The following ZBTB7C variants were observed in gnomAD, a reference collection of about 807,000 sequenced individuals.
ZBTB7C encodes the protein zinc finger and BTB domain-containing protein 7C.
ZBTB7C carries 8 observed loss-of-function variants against 25.7 expected under a neutral mutation model. The observed-to-expected ratio is 0.31, with a 90% CI of 0.18 to 0.56. ZBTB7C has a LOEUF of 0.56. Ranked by LOEUF, ZBTB7C falls within the 20% of genes least tolerant of loss-of-function variation. ZBTB7C has a pLI of 0.91. For missense variants in ZBTB7C, 824 were observed against 855.2 expected (o/e 0.96, Z 0.46); for synonymous variants, 394 against 369.0 (o/e 1.07, Z -0.78).
At chr18:48,171,447 T>C (rs1180879257) in intron 3 of ZBTB7C, among the ~76,000 whole-genome samples, 1 of 152,194 alleles carries the variant, frequency 6.6e-6, no homozygotes, top group Non-Finnish European at 1.5e-5. Context: ...AGGAAGAATA[T>C]CCCAGGAATC....
intron 2 of ZBTB7C, among the ~76,000 whole-genome samples, chr18:48,228,292 G>C (rs1374032022): frequency 3.9e-5 from 6 of 152,130 alleles, no homozygotes; most frequent in Non-Finnish European, 7.4e-5. Flanking sequence ...GGCAGACTAC[G>C]AGACTGATTG....
chr18:48,231,976 G>A (rs1227967725), intron 2 of ZBTB7C, among the ~76,000 whole-genome samples: 1 of 152,212 alleles, frequency 6.6e-6, no homozygotes, highest in Non-Finnish European at 1.5e-5. Context: ...ATGCTTAGCT[G>A]TGCACAGTGG....
At chr18:48,091,242 T>TC (rs1197893323) in intron 3 of ZBTB7C, among the ~76,000 whole-genome samples, 1 of 137,362 alleles carries the variant, frequency 7.3e-6, no homozygotes, top group African/African-American at 2.7e-5. Flanking sequence ...CGGATAATTT[T>TC]TTTTTTTTTT....
chr18:48,084,151 C>G (rs146709869), intron 3 of ZBTB7C, among the ~76,000 whole-genome samples: 1 of 152,282 alleles, frequency 6.6e-6, no homozygotes, highest in Non-Finnish European at 1.5e-5. Context: ...GGGCACGTCT[C>G]CTAGCCCCGG....
At position 48,040,962 on chromosome 18, in the gene ZBTB7C, C is replaced by T. The variant is rs1039584444; in HGVS notation, c.146G>A (p.Arg49His). The T allele has an allele frequency of 6.2e-7, 1 of 1,614,136 alleles. No homozygotes were observed. The highest frequency in any genetic ancestry group is 8.5e-7 in the Non-Finnish European group (1 of 1,180,038). Residue 49 changes from arginine (R) to histidine (H), a missense_variant, in exon 4 of 5, where the codon CGC becomes CAC. Arg to His is a conservative substitution (Grantham distance 29). Around this residue, in one of 4 missense-constraint regions of ZBTB7C, gnomAD observed 117 missense variants for 167.7 expected, o/e 0.70. Coordinates refer to ENST00000590800, the MANE Select transcript of ZBTB7C (RefSeq NM_001318841.2). Reference protein sequence around the residue: ...VVQEQEYRTHRSVLAACSKYF... With the variant: ...VVQEQEYRTHHSVLAACSKYF... ...CTTGCTGCAGGCAGCCAGGACGGAG[C>T]GGTGGGTCCGATACTCCTGCTCCTG...
At chr18:48,130,062 C>T (rs1179452011) in intron 3 of ZBTB7C, among the ~76,000 whole-genome samples, 1 of 152,164 alleles carries the variant, frequency 6.6e-6, no homozygotes, top group Admixed American at 6.5e-5. Flanking sequence ...GGGAGCAGAG[C>T]TTGCAGACAG....
intron 1 of ZBTB7C, among the ~76,000 whole-genome samples, chr18:48,364,909 G>A (rs1223251326): frequency 6.6e-6 from 1 of 152,082 alleles, no homozygotes; most frequent in Non-Finnish European, 1.5e-5. Context: ...AGAATTACCT[G>A]GCCAGCTTAC....
chr18:48,040,935 T>C lies in ZBTB7C; in HGVS notation c.173A>G (p.Tyr58Cys). Residue 58 changes from tyrosine to cysteine, a missense_variant, in exon 4 of 5, where the codon TAC becomes TGC. Tyr to Cys is a radical substitution (Grantham distance 194). Around this residue, in one of 4 missense-constraint regions of ZBTB7C, gnomAD observed 117 missense variants for 167.7 expected, o/e 0.70. Transcript: ENST00000590800. ...HRSVLAACSK[Y>C]FKKLFTAGTL... ...GCCGGCTGTGAAAAGCTTCTTGAAG[T>C]ACTTGCTGCAGGCAGCCAGGACGGA... 1 of 1,614,164 alleles carries C rather than the reference T, an allele frequency of 6.2e-7. No individual in the cohort carries two copies. Among genetic ancestry groups the C allele is most frequent in the Non-Finnish European group, 8.5e-7 (1 of 1,180,032 alleles).
At chr18:48,047,095 G>A (rs527282456) in intron 3 of ZBTB7C, among the ~76,000 whole-genome samples, 10 of 152,130 alleles carry the variant, frequency 6.6e-5, no homozygotes, top group Non-Finnish European at 8.8e-5. Flanking sequence ...GGTGAGCTGC[G>A]GTCAGGAGGT....
chr18:48,347,422 C>G (rs2046766057), intron 1 of ZBTB7C, among the ~76,000 whole-genome samples: 1 of 152,184 alleles, frequency 6.6e-6, no homozygotes, highest in African/African-American at 2.4e-5. Context: ...GCTTTCTTTT[C>G]CCTGCTTCCC....
At chr18:48,313,978 G>C (rs1191959855) in intron 2 of ZBTB7C, among the ~76,000 whole-genome samples, 1 of 152,106 alleles carries the variant, frequency 6.6e-6, no homozygotes. Context: ...TCTCCTTCTT[G>C]CTCCAGCTTT....
chr18:48,134,122 A>G (rs1398505288), intron 3 of ZBTB7C, among the ~76,000 whole-genome samples: 2 of 149,222 alleles, frequency 1.3e-5, no homozygotes, highest in Admixed American at 6.7e-5. Flanking sequence ...AAGAAAAGGA[A>G]GTAGAAAAAA....
At chr18:48,384,839 G>A (rs1468387870) in intron 1 of ZBTB7C, among the ~76,000 whole-genome samples, 1 of 152,076 alleles carries the variant, frequency 6.6e-6, no homozygotes, top group African/African-American at 2.4e-5. Context: ...GCGCCACCAT[G>A]CCCGGCTAAT....
intron 1 of ZBTB7C, among the ~76,000 whole-genome samples, chr18:48,357,315 C>T (rs1452914540): frequency 6.6e-6 from 1 of 152,204 alleles, no homozygotes; most frequent in African/African-American, 2.4e-5. Flanking sequence ...GCCACAAAGA[C>T]AAACTGCACC....
rs2043099920 is a variant in ZBTB7C, at chr18:48,226,559, T to C, written c.-78-40564A>G. On this transcript the variant is annotated intron_variant, in intron 2 of 4. Transcript: ENST00000590800. ...CCAGGCATTTTAGATTGCATGTGCA[T>C]GACTGCACTGCAAGCACCTGGGGGT... 3.9e-5 allele frequency among the ~76,000 whole-genome samples: 6 copies of C among 152,214 alleles called. No homozygotes were observed. The South Asian group carries it at 1.2e-3, about 32-fold the overall frequency.
chr18:48,129,194 T>C (rs2039905226), intron 3 of ZBTB7C, among the ~76,000 whole-genome samples: 2 of 152,010 alleles, frequency 1.3e-5, no homozygotes. Context: ...AACGCCCGTT[T>C]CACTGCCCTC....
intron 2 of ZBTB7C, among the ~76,000 whole-genome samples, chr18:48,249,253 CT>C (rs149685204): frequency 0.05 from 7,586 of 152,208 alleles, 263 homozygotes; most frequent in Non-Finnish European, 0.077. Context: ...CTAGTAATGC[CT>C]CTATTAGGAA....
chr18:48,362,537 A>G (rs1369837629), intron 1 of ZBTB7C, among the ~76,000 whole-genome samples: 7 of 152,094 alleles, frequency 4.6e-5, no homozygotes, highest in Non-Finnish European at 8.8e-5. Context: ...CAGACACCCA[A>G]TCTGCCTTGG....
At chr18:48,300,732 C>T (rs970949978) in intron 2 of ZBTB7C, among the ~76,000 whole-genome samples, 1 of 152,346 alleles carries the variant, frequency 6.6e-6, no homozygotes, top group African/African-American at 2.4e-5. Flanking sequence ...GCAGTGGCTG[C>T]CCTGCCCATA....
Sources: gnomAD v4.1 joint callset for allele counts (sites outside exome capture counted in the v4.1 genomes callset) on GRCh38, gnomAD v4.1.1 for gene constraint, gnomAD v4.1.1 regional missense constraint, MANE v1.5 for transcripts, NCBI Gene and HGNC (gene_info 2026-07-23, HGNC 2026-07-21) for gene names.